Variants in VAMP7 observed in about 807,000 individuals in gnomAD.
VAMP7 encodes the protein vesicle associated membrane protein 7, also known as vesicle-associated membrane protein 7.
Under a neutral mutation model 29.6 loss-of-function variants are expected in VAMP7, and 14 were observed. The ratio of observed to expected loss-of-function variants is 0.47; its 90% CI spans 0.31 to 0.74. VAMP7 has a LOEUF of 0.74. Ranked by LOEUF, VAMP7 falls within the 30% of genes least tolerant of loss-of-function variation. The pLI is 0.05. For synonymous variants in VAMP7, 95 were observed against 88.1 expected, an observed-to-expected ratio of 1.08 and a Z score of -0.44; for missense variants, 223 against 262.4, an observed-to-expected ratio of 0.85 and a Z score of 1.04.
intron 5 of VAMP7, among the ~76,000 whole-genome samples, chrX:155,905,760 T>C (rs1350057626): frequency 2.0e-5 from 3 of 152,208 alleles, no homozygotes; most frequent in Admixed American, 6.5e-5. Context: ...TCAGTTTATC[T>C]TTATGCCAGT....
At position 155,939,772 on chromosome X, in the gene VAMP7, T is replaced by TATC; in HGVS notation, c.583_585dup (p.Ile195dup). ...GTATGAAGAACCTCAAGCTCACTATTATCATCATCATCGTATCAATTGTAA... is the reference window on the plus strand; with the variant it reads ...GTATGAAGAACCTCAAGCTCACTATTATCATCATCATCATCGTATCAATTGTAA... On this transcript the variant is annotated inframe_insertion, in exon 7 of 8. Coordinates refer to ENST00000286448, the MANE Select transcript of VAMP7 (RefSeq NM_005638.6). 1 of 1,613,638 alleles carries TATC rather than the reference T, an allele frequency of 6.2e-7. No homozygotes were observed. Among genetic ancestry groups the TATC allele is most frequent in the South Asian group, 1.1e-5 (1 of 91,042 alleles).
In VAMP7 at chrX:155,889,481, T is replaced by C. The variant is rs778424461; in HGVS notation, c.15T>C (p.Phe5=). 1 of 1,613,748 alleles carries C rather than the reference T, an allele frequency of 6.2e-7. No homozygotes were observed. The highest frequency in any genetic ancestry group is 1.1e-5 in the South Asian group (1 of 91,000). ...AGACTGAAGCCATGGCGATTCTTTT[T>C]GCTGTTGTTGCCAGGGGGACCACTA... MAIL[F]AVVARGTTIL... The change falls in exon 2 of 8, where the codon TTT becomes TTC. Residue 5 remains phenylalanine, a synonymous_variant. Coordinates refer to ENST00000286448, the MANE Select transcript of VAMP7 (RefSeq NM_005638.6).
intron 1 of VAMP7, among the ~76,000 whole-genome samples, chrX:155,883,003 C>T (rs1009681437): frequency 1.6e-4 from 24 of 152,168 alleles, no homozygotes; most frequent in Non-Finnish European, 3.2e-4. Flanking sequence ...TGAGCAATTG[C>T]GGACATTCTT....
intron 5 of VAMP7, among the ~76,000 whole-genome samples, chrX:155,902,924 G>A (rs1008276415): frequency 7.3e-5 from 11 of 151,532 alleles, no homozygotes; most frequent in Non-Finnish European, 1.6e-4. Context: ...CTATTGATTG[G>A]AATAGTTTCA....
chrX:155,885,501 C>T (rs2065854248), intron 1 of VAMP7, among the ~76,000 whole-genome samples: 1 of 152,104 alleles, frequency 6.6e-6, no homozygotes, highest in South Asian at 2.1e-4. Context: ...TGAATTGTGT[C>T]CTCCAGAAAG....
rs908717304 is a variant in VAMP7, at chrX:155,914,128, G to T, written c.434-5685G>T. On this transcript the variant is annotated intron_variant, in intron 5 of 7. Transcript: ENST00000286448. ...ATTTTATTCTCTTTGTAGCAATTGT[G>T]AATGGGAGTTCACTCATGATTTGGC... 8.5e-5 allele frequency among the ~76,000 whole-genome samples: 13 copies of T among 152,210 alleles called. No individual in the cohort carries two copies. In the South Asian group the frequency reaches 2.5e-3, roughly 29 times the overall value.
chrX:155,931,802 T>C (rs1569450312), intron 6 of VAMP7, among the ~76,000 whole-genome samples: 1 of 152,186 alleles, frequency 6.6e-6, no homozygotes, highest in Non-Finnish European at 1.5e-5. Flanking sequence ...TCCTCAATGG[T>C]ATTACCTAGG....
intron 5 of VAMP7, among the ~76,000 whole-genome samples, chrX:155,908,266 A>G (rs1008198654): frequency 1.1e-4 from 17 of 152,294 alleles, no homozygotes; most frequent in African/African-American, 4.1e-4. Flanking sequence ...CAGCCTGGGC[A>G]CCATTGAGCA....
intron 5 of VAMP7, among the ~76,000 whole-genome samples, chrX:155,919,516 A>G (rs755738083): frequency 6.6e-6 from 1 of 152,294 alleles, no homozygotes; most frequent in South Asian, 2.1e-4. Context: ...TTATGGGTAC[A>G]TTCAGTAGTG....
At chrX:155,930,521 G>A (rs1233558763) in intron 6 of VAMP7, among the ~76,000 whole-genome samples, 2 of 151,122 alleles carry the variant, frequency 1.3e-5, no homozygotes, top group Non-Finnish European at 2.9e-5. Flanking sequence ...GTGATTGGGT[G>A]CACCTGTAGT....
chrX:155,941,529 C>A, intron 7 of VAMP7, among the ~76,000 whole-genome samples: 1 of 152,186 alleles, frequency 6.6e-6, no homozygotes, highest in Middle Eastern at 3.4e-3. Flanking sequence ...AACCATACTT[C>A]AGGAGAATTA....
At chrX:155,917,333 TATC>T (rs1408426597) in intron 5 of VAMP7, among the ~76,000 whole-genome samples, 2 of 152,178 alleles carry the variant, frequency 1.3e-5, no homozygotes, top group Admixed American at 1.3e-4. Flanking sequence ...AGTTTGTTAT[TATC>T]CACCTTCTGA....
intron 5 of VAMP7, among the ~76,000 whole-genome samples, chrX:155,916,451 T>C (rs1459323846): frequency 1.3e-5 from 2 of 152,192 alleles, no homozygotes; most frequent in African/African-American, 2.4e-5. Context: ...TTCATAGTGT[T>C]GATGGTCTTT....
intron 6 of VAMP7, among the ~76,000 whole-genome samples, chrX:155,933,949 C>T (rs1159791306): frequency 5.9e-5 from 9 of 152,266 alleles, no homozygotes; most frequent in African/African-American, 1.4e-4. Flanking sequence ...GCATTCATTT[C>T]GTTATGTACC....
intron 6 of VAMP7, among the ~76,000 whole-genome samples, chrX:155,929,531 T>C (rs1440096994): frequency 6.6e-6 from 1 of 152,170 alleles, no homozygotes; most frequent in Non-Finnish European, 1.5e-5. Flanking sequence ...ATACCTCACA[T>C]AGCTCAGGCT....
At chrX:155,886,136 C>T (rs1472743246) in intron 1 of VAMP7, among the ~76,000 whole-genome samples, 1 of 151,938 alleles carries the variant, frequency 6.6e-6, no homozygotes, top group African/African-American at 2.4e-5. Flanking sequence ...CTTCTTGGAT[C>T]TTATCTTTAT....
chrX:155,881,566 T>G (rs1415090560), intron 1 of VAMP7, 118 bp downstream of exon 1: 1 of 152,624 alleles, frequency 6.6e-6, no homozygotes, highest in African/African-American at 2.4e-5. Flanking sequence ...TGACTTGGGC[T>G]TCTCTGGTGT....
intron 6 of VAMP7, among the ~76,000 whole-genome samples, chrX:155,924,907 T>C (rs772683314): frequency 6.6e-6 from 1 of 152,336 alleles, no homozygotes; most frequent in South Asian, 2.1e-4. Context: ...TGAGTTGATG[T>C]AATTTTCTAA....
At chrX:155,921,532 G>A (rs1001258610) in intron 6 of VAMP7, among the ~76,000 whole-genome samples, 8 of 151,748 alleles carry the variant, frequency 5.3e-5, no homozygotes, top group African/African-American at 1.7e-4. Flanking sequence ...ATTCATCCAC[G>A]TTTTTTATTA....
Sources: allele counts gnomAD v4.1 joint callset (sites outside exome capture counted in the v4.1 genomes callset), GRCh38; gene constraint gnomAD v4.1.1; transcripts MANE v1.5; gene names NCBI Gene and HGNC (gene_info 2026-07-23, HGNC 2026-07-21).